Variants in BMP6 observed in about 807,000 individuals in gnomAD.
BMP6 encodes the protein VG-1-R.
Under a neutral mutation model 54.1 loss-of-function variants are expected in BMP6, and 17 were observed. That is an observed-to-expected ratio of 0.31 (90% CI 0.22 to 0.47). The LOEUF (loss-of-function observed/expected upper bound fraction) is 0.47. Among genes scored for constraint, BMP6 ranks in the 20% least tolerant of loss-of-function variants. BMP6 has a pLI of 1.00. For synonymous variants in BMP6, 328 were observed against 291.2 expected, an observed-to-expected ratio of 1.13 and a Z score of -1.28; for missense variants, 720 against 690.4, an observed-to-expected ratio of 1.04 and a Z score of -0.48.
At chr6:7,763,775 A>AG (rs1288943046) in intron 1 of BMP6, among the ~76,000 whole-genome samples, 1 of 152,206 alleles carries the variant, frequency 6.6e-6, no homozygotes, top group East Asian at 1.9e-4. Context: ...CTAAAAGGAA[A>AG]GAAAAAAAAA....
intron 1 of BMP6, among the ~76,000 whole-genome samples, chr6:7,811,457 C>T (rs541034467): frequency 4.5e-4 from 68 of 152,236 alleles, no homozygotes; most frequent in Admixed American, 1.3e-4. Flanking sequence ...TTGCTATGTC[C>T]GCCTTTCGAC....
chr6:7,736,622 A>G (rs1233125619), intron 1 of BMP6, among the ~76,000 whole-genome samples: 3 of 152,226 alleles, frequency 2.0e-5, no homozygotes, highest in Admixed American at 1.3e-4. Flanking sequence ...ACTGTTTTCT[A>G]TGACAAAGCT....
In BMP6 at chr6:7,880,447, T is replaced by C. The variant is rs756446788; in HGVS notation, c.*104T>C. 12 of 1,451,768 alleles carry C rather than the reference T, an allele frequency of 8.3e-6. No individual in the cohort carries two copies. The highest frequency in any genetic ancestry group is 1.1e-5 in the Non-Finnish European group (12 of 1,055,580). 89.9% of individuals were successfully genotyped at this position (1,451,768 alleles called of 1,614,324 possible). On this transcript the variant is annotated 3_prime_UTR_variant, in exon 7 of 7. Transcript: ENST00000283147. ...AGTTGGAGGTGGGACGATGAGACTT[T>C]GAAACTATCTCATGCCAGTGCCTTA...
At chr6:7,865,399 G>A (rs554331094) in intron 4 of BMP6, among the ~76,000 whole-genome samples, 53 of 152,168 alleles carry the variant, frequency 3.5e-4, no homozygotes, top group Non-Finnish European at 4.4e-4. Flanking sequence ...AAAGAATGAC[G>A]ATGAAGGATG....
intron 1 of BMP6, among the ~76,000 whole-genome samples, chr6:7,840,625 A>G (rs1306165265): frequency 6.6e-6 from 1 of 152,100 alleles, no homozygotes; most frequent in African/African-American, 2.4e-5. Flanking sequence ...TTTGTTCAGT[A>G]TGTCTTCCCT....
intron 1 of BMP6, among the ~76,000 whole-genome samples, chr6:7,821,907 G>T (rs1758616757): frequency 6.6e-6 from 1 of 152,196 alleles, no homozygotes; most frequent in African/African-American, 2.4e-5. Context: ...GGGGAAAGTT[G>T]CAGGGAATGA....
At chr6:7,878,454 G>C (rs780347329) in intron 4 of BMP6, among the ~76,000 whole-genome samples, 9 of 152,118 alleles carry the variant, frequency 5.9e-5, no homozygotes, top group Admixed American at 2.0e-4. Flanking sequence ...AGAGTCTCCT[G>C]AGGAACCCCT....
intron 1 of BMP6, among the ~76,000 whole-genome samples, chr6:7,729,649 T>C (rs1292027861): frequency 6.6e-6 from 1 of 152,128 alleles, no homozygotes; most frequent in Non-Finnish European, 1.5e-5. Context: ...TCTAATATGC[T>C]ACCGTGGTCA....
chr6:7,763,953 G>A (rs950676983), intron 1 of BMP6, among the ~76,000 whole-genome samples: 11 of 152,154 alleles, frequency 7.2e-5, no homozygotes, highest in Admixed American at 3.3e-4. Context: ...TGGATCAAGC[G>A]TATGTGTCCT....
chr6:7,809,473 G>A (rs563084613), intron 1 of BMP6, among the ~76,000 whole-genome samples: 78 of 152,334 alleles, frequency 5.1e-4, no homozygotes, highest in African/African-American at 1.8e-3. Flanking sequence ...AAAAGAATGC[G>A]TAGCATGAGC....
intron 1 of BMP6, among the ~76,000 whole-genome samples, chr6:7,828,706 C>T (rs1758741306): frequency 6.6e-6 from 1 of 152,254 alleles, no homozygotes; most frequent in Admixed American, 6.5e-5. Flanking sequence ...CAAAACAAAA[C>T]TCCTTGCCTT....
At chr6:7,766,619 T>G (rs938893203) in intron 1 of BMP6, among the ~76,000 whole-genome samples, 19 of 152,070 alleles carry the variant, frequency 1.2e-4, no homozygotes, top group African/African-American at 4.3e-4. Context: ...TCTTGTCTCA[T>G]AAAAAATAAA....
intron 1 of BMP6, among the ~76,000 whole-genome samples, chr6:7,736,913 C>T (rs1350825669): frequency 1.3e-5 from 2 of 152,120 alleles, no homozygotes; most frequent in African/African-American, 2.4e-5. Flanking sequence ...GAGGGCCGGG[C>T]GCAGTGGCTC....
Position 7,845,351 on chromosome 6 carries a change from G to T in BMP6, c.857+19G>T, listed in dbSNP as rs766946392. On this transcript the variant is annotated intron_variant, in intron 2 of 6. Coordinates refer to ENST00000283147, the MANE Select transcript of BMP6 (RefSeq NM_001718.6). Reference sequence around the variant, plus strand: ...AGCACAGGTATGAAGGCTCGAGAAAGCCCCAAAGGTGGGGCTGGCCCCTGT... The same window carrying T: ...AGCACAGGTATGAAGGCTCGAGAAATCCCCAAAGGTGGGGCTGGCCCCTGT... 5.3e-5 allele frequency: 85 copies of T among 1,598,204 alleles called. No homozygotes were observed. Among genetic ancestry groups the T allele is most frequent in the Middle Eastern group, 3.3e-4 (2 of 6,014 alleles).
rs369606637 is a variant in BMP6, at chr6:7,774,230, A to G, written c.664+46611A>G. Among the ~76,000 whole-genome samples, 6 of 152,170 alleles carry G rather than the reference A, an allele frequency of 3.9e-5. No individual in the cohort carries two copies. In the East Asian group the frequency reaches 9.6e-4, roughly 24 times the overall value. On this transcript the variant is annotated intron_variant, in intron 1 of 6. Coordinates refer to ENST00000283147, the MANE Select transcript of BMP6 (RefSeq NM_001718.6). ...GAAAATTCTCAGGTTGCTTGCTCTC[A>G]TTCCTGCTTTCTGCCTTCCACCCAA...
At chr6:7,789,270 C>T (rs574001259) in intron 1 of BMP6, among the ~76,000 whole-genome samples, 33 of 152,078 alleles carry the variant, frequency 2.2e-4, no homozygotes, top group Non-Finnish European at 3.8e-4. Flanking sequence ...TCAGGCTAAT[C>T]GGTTTCAGGA....
intron 1 of BMP6, among the ~76,000 whole-genome samples, chr6:7,834,208 G>GAAAAA (rs1247977108): frequency 0.031 from 4,036 of 131,712 alleles, 68 homozygotes; most frequent in African/African-American, 0.043. Context: ...TTTTTTTTAG[G>GAAAAA]AAAAAAAAGT....
chr6:7,864,520 A>G (rs1211482076), intron 4 of BMP6, among the ~76,000 whole-genome samples: 2 of 152,224 alleles, frequency 1.3e-5, no homozygotes, highest in Non-Finnish European at 2.9e-5. Context: ...TAATTCTTCC[A>G]GGTAATTGTA....
chr6:7,777,880 G>A (rs550484462), intron 1 of BMP6, among the ~76,000 whole-genome samples: 1 of 152,038 alleles, frequency 6.6e-6, no homozygotes. Flanking sequence ...TAGAGCCCCC[G>A]TCCGGGACAC....
Sources: gnomAD v4.1 joint callset for allele counts (sites outside exome capture counted in the v4.1 genomes callset) on GRCh38, gnomAD v4.1.1 for gene constraint, MANE v1.5 for transcripts, NCBI Gene and HGNC (gene_info 2026-07-23, HGNC 2026-07-21) for gene names.